The following SHANK2 variants were observed in gnomAD, a reference collection of about 807,000 sequenced individuals.
SHANK2 encodes the protein SH3 and multiple ankyrin repeat domains protein 2.
A neutral mutation model predicts 133.7 loss-of-function variants in SHANK2; 43 were observed. The observed-to-expected ratio is 0.32, with a 90% CI of 0.25 to 0.41. The LOEUF (loss-of-function observed/expected upper bound fraction) is 0.41. Ranked by LOEUF, SHANK2 falls within the 10% of genes least tolerant of loss-of-function variation. The probability of loss-of-function intolerance (pLI) is 1.00; values close to 1 mark genes in which losing one functional copy is unlikely to be tolerated. For missense variants in SHANK2, 1,994 were observed against 2,235.8 expected, an observed-to-expected ratio of 0.89 and a Z score of 2.18; for synonymous variants, 1,017 against 952.8, an observed-to-expected ratio of 1.07 and a Z score of -1.24.
chr11:70,896,395 G>A (rs1949935029), intron 11 of SHANK2, 106 bp downstream of exon 11: 1 of 610,226 alleles, frequency 1.6e-6, no homozygotes, highest in Non-Finnish European at 3.0e-6. Flanking sequence ...GCTAAAAGCA[G>A]GCTCTAAACC....
intron 14 of SHANK2, among the ~76,000 whole-genome samples, chr11:70,734,113 C>T (rs1434998201): frequency 6.6e-6 from 1 of 152,080 alleles, no homozygotes; most frequent in African/African-American, 2.4e-5. Flanking sequence ...ACCCCCTGAG[C>T]CGCGCATCTG....
intron 15 of SHANK2, among the ~76,000 whole-genome samples, chr11:70,677,896 C>T (rs919604523): frequency 2.0e-5 from 3 of 152,206 alleles, no homozygotes; most frequent in African/African-American, 7.2e-5. Context: ...GTTGTAGGCT[C>T]GCTCCTTCTT....
chr11:70,505,208 C>T (rs1339550813), intron 17 of SHANK2, among the ~76,000 whole-genome samples: 3 of 152,100 alleles, frequency 2.0e-5, no homozygotes, highest in South Asian at 2.1e-4. Flanking sequence ...AAGCGGTAGG[C>T]AGGGGGGCGC....
rs560901330 is a variant in SHANK2, at chr11:71,232,310, G to A, written c.-112-7514C>T. ...ACAGCAGCATTTGAATCTCGACCGC[G>A]TCAACATCAGCATCCCGGCCAATAC... On this transcript the variant is annotated intron_variant, in intron 1 of 25. Coordinates refer to ENST00000601538, the MANE Select transcript of SHANK2 (RefSeq NM_012309.5). Among the ~76,000 whole-genome samples the A allele has an allele frequency of 1.1e-4, 17 of 152,290 alleles. No individual in the cohort carries two copies. In the South Asian group the frequency reaches 2.3e-3, roughly 20 times the overall value.
At chr11:70,517,112 AT>A (rs1359865385) in intron 17 of SHANK2, among the ~76,000 whole-genome samples, 6 of 152,204 alleles carry the variant, frequency 3.9e-5, no homozygotes, top group Admixed American at 3.9e-4. Flanking sequence ...AGATACACAG[AT>A]GGCAAATAAA....
At chr11:71,097,374 T>C (rs1432486686) in intron 6 of SHANK2, among the ~76,000 whole-genome samples, 7 of 152,102 alleles carry the variant, frequency 4.6e-5, no homozygotes, top group Non-Finnish European at 8.8e-5. Context: ...GTGACTGCAC[T>C]ATCACTCCCC....
chr11:70,654,013 T>C (rs573206519), intron 17 of SHANK2: 1 of 152,054 alleles, frequency 6.6e-6, no homozygotes, highest in Admixed American at 6.6e-5. Flanking sequence ...AAACCACGAG[T>C]ATAAAGAAGA....
intron 2 of SHANK2, among the ~76,000 whole-genome samples, chr11:71,221,425 T>A (rs1022348840): frequency 1.3e-5 from 2 of 152,064 alleles, no homozygotes; most frequent in African/African-American, 2.4e-5. Context: ...CTCACCCCAG[T>A]CCTTCCCTGG....
At chr11:70,904,510 G>T (rs1317268645) in intron 10 of SHANK2, among the ~76,000 whole-genome samples, 5 of 136,294 alleles carry the variant, frequency 3.7e-5, no homozygotes, top group African/African-American at 1.4e-4. Flanking sequence ...GATCTGATGG[G>T]TTTTTTTTTT....
intron 15 of SHANK2, chr11:70,668,093 T>G (rs1363226835): frequency 1.8e-4 from 27 of 152,126 alleles, no homozygotes; most frequent in Admixed American, 1.8e-3. Flanking sequence ...CCAGGCCCAG[T>G]CTGGTCCTTA....
At chr11:71,220,563 T>C (rs1954515233) in intron 2 of SHANK2, among the ~76,000 whole-genome samples, 1 of 152,140 alleles carries the variant, frequency 6.6e-6, no homozygotes, top group Non-Finnish European at 1.5e-5. Flanking sequence ...ATAAACAAGG[T>C]GTGGTCCATT....
chr11:71,112,002 A>G (rs1565457784), intron 5 of SHANK2, among the ~76,000 whole-genome samples: 2 of 152,304 alleles, frequency 1.3e-5, no homozygotes, highest in East Asian at 3.9e-4. Context: ...GATGCACCAC[A>G]TGGCAGAACA....
chr11:70,560,345 T>C (rs1271152146), intron 17 of SHANK2, among the ~76,000 whole-genome samples: 2 of 152,162 alleles, frequency 1.3e-5, no homozygotes, highest in Non-Finnish European at 2.9e-5. Flanking sequence ...AAGACCTGTA[T>C]AGCAAAAGCA....
chr11:71,199,057 G>A (rs1207946960), intron 2 of SHANK2, among the ~76,000 whole-genome samples: 1 of 152,218 alleles, frequency 6.6e-6, no homozygotes, highest in African/African-American at 2.4e-5. Context: ...CACAGGTGAG[G>A]CACTCCAGGC....
At chr11:70,860,818 C>T (rs1223327375) in intron 11 of SHANK2, among the ~76,000 whole-genome samples, 3 of 152,110 alleles carry the variant, frequency 2.0e-5, no homozygotes, top group East Asian at 1.9e-4. Context: ...ACCAGGTGTT[C>T]AAGACCAACC....
chr11:70,535,176 A>C lies in SHANK2; in HGVS notation c.2062-32245T>G, dbSNP rs1017409526. Among the ~76,000 whole-genome samples, 3 of 151,892 alleles carry C rather than the reference A, an allele frequency of 2.0e-5. No homozygotes were observed. The highest frequency in any genetic ancestry group is 2.0e-4 in the Admixed American group (3 of 15,268). On this transcript the variant is annotated intron_variant, in intron 17 of 25. Coordinates refer to ENST00000601538, the MANE Select transcript of SHANK2 (RefSeq NM_012309.5). This position sits in a 1 kb window ranked among gnomAD's most constrained non-coding sequence, Gnocchi z 4.3. ...AACACCTTCCTCCCTCCCACCCTCT[A>C]TTATCCATTTTCCATCCATCTGCTC...
At chr11:70,850,662 G>C (rs782310708) in intron 11 of SHANK2, among the ~76,000 whole-genome samples, 9 of 152,226 alleles carry the variant, frequency 5.9e-5, no homozygotes, top group Non-Finnish European at 1.0e-4. Flanking sequence ...CACTGTGCCT[G>C]CAGCTCCCGT....
intron 14 of SHANK2, among the ~76,000 whole-genome samples, chr11:70,772,766 A>C (rs1052911521): frequency 4.0e-5 from 6 of 151,586 alleles, no homozygotes; most frequent in Admixed American, 1.3e-4. Flanking sequence ...TGTCCTAGGG[A>C]CTCCACTAGA....
chr11:70,504,994 G>A (rs545351171), intron 17 of SHANK2, among the ~76,000 whole-genome samples: 247 of 152,284 alleles, frequency 1.6e-3, no homozygotes, highest in African/African-American at 5.8e-3. Flanking sequence ...GGCACAGGCA[G>A]TTCAGCTGTC....
Sources: allele counts gnomAD v4.1 joint callset (sites outside exome capture counted in the v4.1 genomes callset), GRCh38; gene constraint gnomAD v4.1.1; non-coding constraint Gnocchi (gnomAD v3.1); transcripts MANE v1.5; gene names NCBI Gene and HGNC (gene_info 2026-07-23, HGNC 2026-07-21).